ARHGEF38: variants seen among roughly 807,000 people sequenced by gnomAD.
The protein encoded by ARHGEF38 is Rho guanine nucleotide exchange factor 38.
ARHGEF38 carries 79 observed loss-of-function variants against 79.9 expected under a neutral mutation model. The observed-to-expected ratio is 0.99, with a 90% confidence interval of 0.82 to 1.19. The LOEUF (loss-of-function observed/expected upper bound fraction) is 1.19, where lower values mean the gene tolerates loss of function less well. Among genes scored for constraint, ARHGEF38 ranks in the 50% most tolerant of loss-of-function variants. ARHGEF38 has a pLI of 0.00. For missense variants in ARHGEF38, 962 were observed against 907.2 expected (o/e 1.06, Z -0.78); for synonymous variants, 366 against 328.3 (o/e 1.11, Z -1.24).
chr4:105,605,930 G>A (rs572874571), intron 2 of ARHGEF38, among the ~76,000 whole-genome samples: 1 of 152,216 alleles, frequency 6.6e-6, no homozygotes, highest in East Asian at 1.9e-4. Flanking sequence ...CTTCTCAAAT[G>A]TTTGGTAACC....
chr4:105,560,880 C>G (rs992550077), intron 1 of ARHGEF38, among the ~76,000 whole-genome samples: 1 of 152,164 alleles, frequency 6.6e-6, no homozygotes, highest in African/African-American at 2.4e-5. Flanking sequence ...TCACAGATTT[C>G]TCCTTCTGTG....
Position 105,679,292 on chromosome 4 carries a change from T to C in ARHGEF38, c.*1355T>C. Reference sequence around the variant, plus strand: ...TGGCACTGAGAGTATCCAGCCGGAATCATGCCACTTTGCCTGTAACCTTTG... The same window carrying C: ...TGGCACTGAGAGTATCCAGCCGGAACCATGCCACTTTGCCTGTAACCTTTG... On this transcript the variant is annotated 3_prime_UTR_variant, in exon 14 of 14. Transcript: ENST00000420470. The C allele has an allele frequency of 1.4e-6, 1 of 737,358 alleles. No individual in the cohort carries two copies. Among genetic ancestry groups the C allele is most frequent in the Non-Finnish European group, 2.4e-6 (1 of 417,112 alleles). 45.7% of individuals were successfully genotyped at this position (737,358 alleles called of 1,614,324 possible).
At position 105,679,323 on chromosome 4, in the gene ARHGEF38, A is replaced by AT. The variant is rs1251423067; in HGVS notation, c.*1388dup. 1 of 879,922 alleles carries AT rather than the reference A, an allele frequency of 1.1e-6. No homozygotes were observed. Among genetic ancestry groups the AT allele is most frequent in the African/African-American group, 1.7e-5 (1 of 60,162 alleles). 54.5% of individuals were successfully genotyped at this position (879,922 alleles called of 1,614,324 possible). On this transcript the variant is annotated 3_prime_UTR_variant, in exon 14 of 14. Transcript: ENST00000420470. The stretch of plus-strand genomic sequence containing the variant: ...CACTTTGCCTGTAACCTTTGACTCA[A>AT]TTGGAGGAATATCAAAGCAAACACC...
chr4:105,621,870 G>A (rs1728747867), intron 3 of ARHGEF38, among the ~76,000 whole-genome samples: 1 of 152,136 alleles, frequency 6.6e-6, no homozygotes, highest in Admixed American at 6.6e-5. Context: ...AGGTTTGGGG[G>A]ACACCCAGAT....
At chr4:105,598,842 A>C (rs1727700120) in intron 2 of ARHGEF38, among the ~76,000 whole-genome samples, 1 of 152,178 alleles carries the variant, frequency 6.6e-6, no homozygotes, top group African/African-American at 2.4e-5. Context: ...TAAGTGTGTT[A>C]ATAAGGGCAG....
intron 2 of ARHGEF38, among the ~76,000 whole-genome samples, chr4:105,604,550 T>C (rs953339905): frequency 6.6e-6 from 1 of 152,142 alleles, no homozygotes; most frequent in African/African-American, 2.4e-5. Context: ...GTTTTTATTG[T>C]ATTATTGAAG....
At chr4:105,587,938 T>C (rs2593303) in intron 1 of ARHGEF38, among the ~76,000 whole-genome samples, 7,510 of 152,254 alleles carry the variant, frequency 0.049, 224 homozygotes, top group Middle Eastern at 0.14. Flanking sequence ...TAGTATAGCT[T>C]CCAAACTGAT....
chr4:105,629,027 T>G (rs940440348), intron 3 of ARHGEF38, among the ~76,000 whole-genome samples: 13 of 152,184 alleles, frequency 8.5e-5, no homozygotes, highest in African/African-American at 3.1e-4. Context: ...GCAAATAAAA[T>G]GAAGGCACTA....
In ARHGEF38 at chr4:105,561,474, A is replaced by AGAATAGAATGGAATGGAATG. The variant is rs1725590290; in HGVS notation, c.196+8522_196+8523insGGAATGGAATGGAATAGAAT. On this transcript the variant is annotated intron_variant, in intron 1 of 13. Transcript: ENST00000420470. ...GGAATAGAATAGAATAGAATAGAAT[A>AGAATAGAATGGAATGGAATG]GAATAGAATAGAATAGAATAGAATA... The AGAATAGAATGGAATGGAATG allele has an allele frequency of 3.0e-4, 15 of 50,806 alleles. 1 individual carries two copies. Among genetic ancestry groups the AGAATAGAATGGAATGGAATG allele is most frequent in the East Asian group, 1.3e-3 (3 of 2,244 alleles). The allele number at this position is 50,806 out of a possible 1,614,324, so 3.1% of individuals were successfully genotyped here. A position where few individuals can be genotyped will look rare whatever the true frequency, so the allele number is the denominator to read the frequency against.
At chr4:105,674,843 A>G (rs1332941627) in intron 13 of ARHGEF38, among the ~76,000 whole-genome samples, 1 of 152,078 alleles carries the variant, frequency 6.6e-6, no homozygotes. Flanking sequence ...CGCTTGAGAG[A>G]ATTGTGCTAA....
chr4:105,652,227 A>G (rs1730133885), intron 7 of ARHGEF38, among the ~76,000 whole-genome samples: 1 of 152,224 alleles, frequency 6.6e-6, no homozygotes, highest in Non-Finnish European at 1.5e-5. Context: ...AAATGGGAGT[A>G]ATCATAATTC....
At chr4:105,676,962 G>GT (rs1320596126) in intron 13 of ARHGEF38, among the ~76,000 whole-genome samples, 6 of 149,780 alleles carry the variant, frequency 4.0e-5, no homozygotes, top group African/African-American at 1.5e-4. Context: ...GTTGTTTTGT[G>GT]TTTTTTCTTT....
At chr4:105,556,601 C>A (rs1024679267) in intron 1 of ARHGEF38, among the ~76,000 whole-genome samples, 1 of 152,096 alleles carries the variant, frequency 6.6e-6, no homozygotes, top group Non-Finnish European at 1.5e-5. Context: ...TTGTTTATCA[C>A]CTGTTATTGA....
intron 1 of ARHGEF38, among the ~76,000 whole-genome samples, chr4:105,581,191 TC>T (rs56282424): frequency 0.62 from 93,417 of 151,860 alleles, 31,398 homozygotes; most frequent in East Asian, 0.92. Context: ...CTTCCTTCTG[TC>T]CCCTCTCAAT....
intron 3 of ARHGEF38, among the ~76,000 whole-genome samples, chr4:105,619,013 G>T (rs953999894): frequency 1.3e-5 from 2 of 152,060 alleles, no homozygotes; most frequent in African/African-American, 4.8e-5. Context: ...TGAAAACTAT[G>T]ATTTACAGAG....
At chr4:105,583,600 A>G (rs527847334) in intron 1 of ARHGEF38, among the ~76,000 whole-genome samples, 54 of 152,302 alleles carry the variant, frequency 3.5e-4, no homozygotes, top group African/African-American at 1.2e-3. Flanking sequence ...AGCAGCTTTC[A>G]TAGCATTATT....
At chr4:105,553,935 C>T (rs11097893) in intron 1 of ARHGEF38, among the ~76,000 whole-genome samples, 8,407 of 152,102 alleles carry the variant, frequency 0.055, 367 homozygotes, top group East Asian at 0.18. Context: ...TAACAAATCT[C>T]TTTCCACAAA....
intron 1 of ARHGEF38, among the ~76,000 whole-genome samples, chr4:105,563,704 T>C (rs2110406394): frequency 6.6e-6 from 1 of 152,302 alleles, no homozygotes; most frequent in South Asian, 2.1e-4. Context: ...TGGTTTGCTC[T>C]TAAGAAATCA....
At chr4:105,562,362 A>T (rs562582976) in intron 1 of ARHGEF38, among the ~76,000 whole-genome samples, 41 of 152,316 alleles carry the variant, frequency 2.7e-4, no homozygotes, top group African/African-American at 9.9e-4. Flanking sequence ...CTGCTCAATG[A>T]CTATTTATTG....
Sources: gnomAD v4.1 joint callset for allele counts (sites outside exome capture counted in the v4.1 genomes callset) on GRCh38, gnomAD v4.1.1 for gene constraint, MANE v1.5 for transcripts, NCBI Gene and HGNC (gene_info 2026-07-23, HGNC 2026-07-21) for gene names.